The following ZNF599 variants were observed in gnomAD, a reference collection of about 807,000 sequenced individuals.
ZNF599 encodes zinc finger protein 599.
ZNF599 carries 10 observed loss-of-function variants against 11.7 expected under a neutral mutation model. The ratio of observed to expected loss-of-function variants is 0.86; its 90% CI spans 0.53 to 1.45. The LOEUF is 1.45. Ranked by LOEUF, ZNF599 falls within the 40% of genes most tolerant of loss-of-function variation. ZNF599 has a pLI of 0.00. For missense variants in ZNF599, 688 were observed against 713.6 expected (o/e 0.96, Z 0.41); for synonymous variants, 232 against 253.2 (o/e 0.92, Z 0.79).
chr19:34,766,422 G>A (rs1248437680), intron 3 of ZNF599, among the ~76,000 whole-genome samples: 2 of 152,258 alleles, frequency 1.3e-5, no homozygotes, highest in Non-Finnish European at 2.9e-5. Context: ...GTGAAAAATG[G>A]TGGGATGCAG....
At chr19:34,780,726 AAGAG>A in the ZNF599 span, among the ~76,000 whole-genome samples, 1 of 150,704 alleles carries the variant, frequency 6.6e-6, no homozygotes, top group Non-Finnish European at 1.5e-5. Flanking sequence ...GAAGGAAAGA[AAGAG>A]AAAGAGAAAG....
upstream of ZNF599, among the ~76,000 whole-genome samples, chr19:34,777,376 A>C (rs1281818637): frequency 1.1e-5 from 1 of 91,790 alleles, no homozygotes; most frequent in Non-Finnish European, 2.0e-5. Flanking sequence ...ATTATATATT[A>C]TATATTAATT....
At chr19:34,768,751 A>G (rs1477355461) in intron 2 of ZNF599, among the ~76,000 whole-genome samples, 1 of 152,210 alleles carries the variant, frequency 6.6e-6, no homozygotes, top group Non-Finnish European at 1.5e-5. Context: ...ACTGAGGAGG[A>G]AATTCACCAA....
At chr19:34,777,337 T>TTATATA (rs1389730010), upstream of ZNF599, among the ~76,000 whole-genome samples, 3 of 47,188 alleles carry the variant, frequency 6.4e-5, no homozygotes, top group African/African-American at 3.0e-4. Context: ...ATATTATATA[T>TTATATA]TAATATATTA....
chr19:34,759,885 T>G lies in ZNF599; in HGVS notation c.916A>C (p.Thr306Pro). Residue 306 changes from threonine to proline, a missense_variant, in exon 4 of 4, where the codon ACT (threonine) becomes CCT (proline). Transcript: ENST00000329285. ...TTGCATAAAAAGGGTTTTTCTCGAG[T>G]GTGAGTCATATTATGCTGGATAAAA... ...SSFIQHNMTH[T>P]REKPFLCKEC... The G allele has an allele frequency of 6.2e-7, 1 of 1,613,876 alleles. No individual in the cohort carries two copies.
rs202116567 is a variant in ZNF599 at position 34,760,154 on chromosome 19, C to T, written c.647G>A (p.Arg216Gln). 3.5e-5 allele frequency: 57 copies of T among 1,613,978 alleles called. No homozygotes were observed. Among genetic ancestry groups the T allele is most frequent in the South Asian group, 4.4e-5 (4 of 91,084 alleles). Reference sequence around the variant, plus strand: ...CACTCCAGCATGAATCTGTTGATGCCGAACAAGGGCCCACTTCTTGCTAAA... The same window carrying T: ...CACTCCAGCATGAATCTGTTGATGCTGAACAAGGGCCCACTTCTTGCTAAA... The part of the protein sequence containing the change: ...KGFSKKWALV[R>Q]HQQIHAGVKP... The change falls in exon 4 of 4, where the codon CGG (arginine) becomes CAG (glutamine). Residue 216 changes from arginine (R) to glutamine (Q), a missense_variant. Coordinates refer to ENST00000329285, the MANE Select transcript of ZNF599 (RefSeq NM_001007248.3).
At chr19:34,770,369 G>C (rs547144674) in intron 1 of ZNF599, among the ~76,000 whole-genome samples, 2 of 152,230 alleles carry the variant, frequency 1.3e-5, no homozygotes, top group African/African-American at 4.8e-5. Context: ...CAGTGACAAG[G>C]GCTAAAAATA....
chr19:34,786,458 G>T, the ZNF599 span, among the ~76,000 whole-genome samples: 13 of 148,780 alleles, frequency 8.7e-5, no homozygotes, highest in Admixed American at 7.9e-4. Context: ...CAAGCGTCAT[G>T]ATTTTTTTAA....
upstream of ZNF599, among the ~76,000 whole-genome samples, chr19:34,777,422 T>TATTATATA (rs1204121079): frequency 4.2e-5 from 4 of 95,218 alleles, no homozygotes; most frequent in Non-Finnish European, 5.8e-5. Context: ...TATATATTAA[T>TATTATATA]TAATATATAA....
At chr19:34,788,983 T>C in the ZNF599 span, among the ~76,000 whole-genome samples, 2 of 152,232 alleles carry the variant, frequency 1.3e-5, no homozygotes, top group African/African-American at 4.8e-5. Flanking sequence ...TAGCATTTTT[T>C]AAGAAGACTA....
chr19:34,771,310 G>C (rs2069182753), intron 1 of ZNF599, among the ~76,000 whole-genome samples: 1 of 152,126 alleles, frequency 6.6e-6, no homozygotes, highest in African/African-American at 2.4e-5. Context: ...GATTGTTTCT[G>C]TTACTTATGA....
At chr19:34,786,276 T>G in the ZNF599 span, among the ~76,000 whole-genome samples, 38 of 152,256 alleles carry the variant, frequency 2.5e-4, no homozygotes, top group African/African-American at 9.1e-4. Context: ...CTCTTAGTGC[T>G]TTTCCATTTA....
chr19:34,776,968 C>T (rs1316311774), upstream of ZNF599, among the ~76,000 whole-genome samples: 2 of 151,950 alleles, frequency 1.3e-5, no homozygotes, highest in Non-Finnish European at 2.9e-5. Context: ...GTTGCCATGG[C>T]AATGGTAAAC....
the ZNF599 span, among the ~76,000 whole-genome samples, chr19:34,795,757 G>A: frequency 5.9e-5 from 9 of 152,294 alleles, no homozygotes; most frequent in African/African-American, 9.6e-5. Flanking sequence ...GTCCACTTAC[G>A]GCTTTTCCTA....
At position 34,760,209 on chromosome 19, in the gene ZNF599, G is replaced by A; in HGVS notation, c.592C>T (p.Pro198Ser). The stretch of plus-strand genomic sequence containing the variant: ...TTCCCACATTCCGTGCATGTGTAAG[G>A]GTTATTCCTTGCATCAGTCATGGGG... ...KDPMTDARNNPYTCTECGKGF... is the reference protein window; with the variant it reads ...KDPMTDARNNSYTCTECGKGF... The change falls in exon 4 of 4, where the codon CCT (proline) becomes TCT (serine). Residue 198 changes from proline to serine, a missense_variant. Physicochemically the swap from Pro to Ser is moderately conservative, Grantham distance 74. Transcript: ENST00000329285. 6.2e-7 allele frequency: 1 copy of A among 1,614,142 alleles called. No homozygotes were observed. Among genetic ancestry groups the A allele is most frequent in the Non-Finnish European group, 8.5e-7 (1 of 1,180,034 alleles).
the ZNF599 span, among the ~76,000 whole-genome samples, chr19:34,801,261 A>G: frequency 2.5e-4 from 38 of 152,246 alleles, no homozygotes; most frequent in African/African-American, 8.7e-4. Context: ...AATTCATTTA[A>G]TCCATCCCTG....
the ZNF599 span, among the ~76,000 whole-genome samples, chr19:34,785,766 T>C: frequency 1.3e-5 from 2 of 152,180 alleles, no homozygotes. Context: ...CAACCTGCTC[T>C]TCAATTTGGT....
chr19:34,778,398 A>T, the ZNF599 span, among the ~76,000 whole-genome samples: 3 of 152,024 alleles, frequency 2.0e-5, no homozygotes, highest in African/African-American at 4.8e-5. Context: ...ATCAAAATGG[A>T]AATCGATGAA....
chr19:34,784,348 C>T, the ZNF599 span, among the ~76,000 whole-genome samples: 1 of 152,180 alleles, frequency 6.6e-6, no homozygotes, highest in Non-Finnish European at 1.5e-5. Context: ...AAGATGCACC[C>T]TCGGGATCTC....
Sources: allele counts gnomAD v4.1 joint callset (sites outside exome capture counted in the v4.1 genomes callset), GRCh38; gene constraint gnomAD v4.1.1; transcripts MANE v1.5; gene names NCBI Gene and HGNC (gene_info 2026-07-23, HGNC 2026-07-21).